ATP10B: variants seen among roughly 807,000 people sequenced by gnomAD.
The protein encoded by ATP10B is ATPase phospholipid transporting 10B (putative), also known as phospholipid-transporting ATPase VB.
Under a neutral mutation model 141.2 loss-of-function variants are expected in ATP10B, and 122 were observed. The observed-to-expected ratio is 0.86, with a 90% CI of 0.75 to 1.00. The LOEUF (loss-of-function observed/expected upper bound fraction) is 1.00, where lower values mean the gene tolerates loss of function less well. ATP10B is among the 50% of genes least tolerant of loss of function. The probability of loss-of-function intolerance (pLI) is 0.00; values close to 1 mark genes in which losing one functional copy is unlikely to be tolerated. For synonymous variants in ATP10B, 685 were observed against 692.0 expected, an observed-to-expected ratio of 0.99 and a Z score of 0.16; for missense variants, 1,876 against 1,825.3, an observed-to-expected ratio of 1.03 and a Z score of -0.51.
chr5:160,603,817 G>T, intron 20 of ATP10B, 148 bp downstream of exon 20: 1 of 613,138 alleles, frequency 1.6e-6, no homozygotes, highest in Non-Finnish European at 2.9e-6. Context: ...GATTTCAAAT[G>T]TCCTTATGTC....
At chr5:160,724,438 T>C (rs575633583) in intron 2 of ATP10B, among the ~76,000 whole-genome samples, 1 of 152,210 alleles carries the variant, frequency 6.6e-6, no homozygotes, top group African/African-American at 2.4e-5. Flanking sequence ...CTTAAAAATA[T>C]GTCAAGTTAT....
At chr5:160,774,644 T>C (rs989272396) in intron 2 of ATP10B, among the ~76,000 whole-genome samples, 1 of 152,182 alleles carries the variant, frequency 6.6e-6, no homozygotes. Context: ...GGTGGAAACC[T>C]GGTCCACGAA....
the ATP10B span, among the ~76,000 whole-genome samples, chr5:160,923,439 G>T: frequency 1.3e-5 from 2 of 152,198 alleles, no homozygotes; most frequent in South Asian, 2.1e-4. Flanking sequence ...ACCTCACGAG[G>T]TTGGAGGTTA....
chr5:160,855,918 TTTCTGGA>T (rs1325290298), upstream of ATP10B, among the ~76,000 whole-genome samples: 1 of 151,744 alleles, frequency 6.6e-6, no homozygotes, highest in Non-Finnish European at 1.5e-5. Flanking sequence ...TGTGGATCTA[TTTCTGGA>T]TTCTGGATTC....
intron 2 of ATP10B, among the ~76,000 whole-genome samples, chr5:160,785,338 G>A (rs745930393): frequency 1.1e-4 from 16 of 152,124 alleles, no homozygotes; most frequent in Non-Finnish European, 2.1e-4. Flanking sequence ...AATGGAGAAA[G>A]TTTAAACCAT....
At chr5:160,879,748 G>A in the ATP10B span, among the ~76,000 whole-genome samples, 39 of 152,210 alleles carry the variant, frequency 2.6e-4, no homozygotes, top group Middle Eastern at 3.4e-3. Flanking sequence ...TGAGGCAGGG[G>A]AATGGCGTGA....
chr5:160,612,955 AT>A, intron 17 of ATP10B, 30 bp from the exon 18 acceptor site: 1 of 1,589,410 alleles, frequency 6.3e-7, no homozygotes, highest in East Asian at 2.3e-5. Flanking sequence ...CAGAGTTCAC[AT>A]TTATCGTAAA....
the ATP10B span, among the ~76,000 whole-genome samples, chr5:160,904,642 T>C: frequency 6.6e-6 from 1 of 152,314 alleles, no homozygotes; most frequent in East Asian, 1.9e-4. Context: ...AGGAAAGGGA[T>C]GAGCAGATTC....
At chr5:160,615,237 TC>T (rs1757931520) in intron 17 of ATP10B, among the ~76,000 whole-genome samples, 1 of 151,836 alleles carries the variant, frequency 6.6e-6, no homozygotes, top group Non-Finnish European at 1.5e-5. Flanking sequence ...CCACTCTGTT[TC>T]CCCCCAGCCC....
At chr5:160,721,589 T>G (rs1415724259) in intron 2 of ATP10B, among the ~76,000 whole-genome samples, 3 of 152,082 alleles carry the variant, frequency 2.0e-5, no homozygotes, top group African/African-American at 7.2e-5. Flanking sequence ...GAGAGGCAGG[T>G]GGAAAAGGCT....
intron 5 of ATP10B, 42 bp downstream of exon 5, chr5:160,687,758 C>T: frequency 6.3e-7 from 1 of 1,581,416 alleles, no homozygotes; most frequent in Non-Finnish European, 8.6e-7. Flanking sequence ...GAATGAGACT[C>T]TTTCTCTAAA....
At chr5:160,915,944 C>T in the ATP10B span, among the ~76,000 whole-genome samples, 1 of 152,308 alleles carries the variant, frequency 6.6e-6, no homozygotes, top group South Asian at 2.1e-4. Flanking sequence ...TCACACAGCA[C>T]TGAATTATTT....
chr5:160,588,743 C>T (rs2052462), intron 24 of ATP10B, among the ~76,000 whole-genome samples: 119,242 of 151,898 alleles, frequency 0.79, 46,947 homozygotes, highest in East Asian at 0.85. Flanking sequence ...AAATAATACA[C>T]GCTAATCATG....
intron 1 of ATP10B, among the ~76,000 whole-genome samples, chr5:160,818,712 T>C (rs1232335030): frequency 1.3e-5 from 2 of 152,158 alleles, no homozygotes; most frequent in African/African-American, 4.8e-5. Flanking sequence ...ATGTTTATTG[T>C]GGCACTATTC....
chr5:160,822,188 A>T (rs535387628), intron 1 of ATP10B, among the ~76,000 whole-genome samples: 2 of 152,296 alleles, frequency 1.3e-5, no homozygotes, highest in African/African-American at 2.4e-5. Flanking sequence ...TAATCTGATT[A>T]AAAAATGGGT....
At chr5:160,797,942 AAAAAAG>A (rs1218787492) in intron 1 of ATP10B, among the ~76,000 whole-genome samples, 1 of 110,008 alleles carries the variant, frequency 9.1e-6, no homozygotes, top group African/African-American at 3.4e-5. Flanking sequence ...AAAGAAAAGA[AAAAAAG>A]AAAAAAAAAA....
In ATP10B at chr5:160,705,341, C is replaced by A. The variant is rs143210618; in HGVS notation, c.-205+11568G>T. On this transcript the variant is annotated intron_variant, in intron 3 of 25. Coordinates refer to ENST00000327245, the MANE Select transcript of ATP10B (RefSeq NM_025153.3). ...GGCTCAAGCAATCCTCCTACCTCAG[C>A]CTCCCAAGTTGCTGGGACTACAGGT... Among the ~76,000 whole-genome samples, 18 of 152,286 alleles carry A rather than the reference C, an allele frequency of 1.2e-4. No homozygotes were observed. The East Asian group carries it at 3.5e-3, about 29-fold the overall frequency.
At chr5:160,598,364 A>G (rs536130124) in intron 22 of ATP10B, among the ~76,000 whole-genome samples, 2 of 152,076 alleles carry the variant, frequency 1.3e-5, no homozygotes, top group Non-Finnish European at 1.5e-5. Context: ...AGGAAGGGGA[A>G]CATCACACTC....
At chr5:160,798,092 G>A (rs989772874) in intron 1 of ATP10B, among the ~76,000 whole-genome samples, 3 of 152,150 alleles carry the variant, frequency 2.0e-5, no homozygotes, top group African/African-American at 7.2e-5. Context: ...GAAGGATCCA[G>A]TCAAGCCAAG....
Sources: allele counts gnomAD v4.1 joint callset (sites outside exome capture counted in the v4.1 genomes callset), GRCh38; gene constraint gnomAD v4.1.1; transcripts MANE v1.5; gene names NCBI Gene and HGNC (gene_info 2026-07-23, HGNC 2026-07-21).